Variants in RAD51B observed in about 807,000 individuals in gnomAD.
RAD51B encodes RAD51 paralog B.
A neutral mutation model predicts 42.2 loss-of-function variants in RAD51B; 38 were observed. The observed-to-expected ratio is 0.90, with a 90% CI of 0.70 to 1.18. RAD51B has a LOEUF of 1.18. Among genes scored for constraint, RAD51B ranks in the 50% most tolerant of loss-of-function variants. RAD51B has a pLI of 0.00. For missense variants in RAD51B, 373 were observed against 400.7 expected (o/e 0.93, Z 0.59); for synonymous variants, 154 against 145.2 (o/e 1.06, Z -0.43).
At position 68,577,174 on chromosome 14, in the gene RAD51B, T is replaced by G. The variant is rs1018295034; in HGVS notation, c.1037-17311T>G. ...TTTAGCCTAAAAACAGAGGGCCCAG[T>G]TGTTCTCCATTATTACTGTAACTCA... On this transcript the variant is annotated intron_variant, in intron 10 of 10. Coordinates refer to the RAD51B transcript ENST00000487270. Among the ~76,000 whole-genome samples the G allele has an allele frequency of 6.6e-5, 10 of 152,324 alleles. No individual in the cohort carries two copies. In the East Asian group the frequency reaches 1.5e-3, roughly 23 times the overall value.
chr14:67,913,000 G>A lies in RAD51B; in HGVS notation c.756+25796G>A, dbSNP rs183943362. Among the ~76,000 whole-genome samples the A allele has an allele frequency of 2.2e-3, 338 of 152,128 alleles. 5 individuals are homozygous for A. Among genetic ancestry groups the A allele is most frequent in the East Asian group, 0.011 (55 of 5,178 alleles). On this transcript the variant is annotated intron_variant, in intron 7 of 10. Coordinates refer to ENST00000471583, the MANE Select transcript of RAD51B (RefSeq NM_133510.4). ...ATTACAGGCGTGAGCCACTGCACCCGGCCTTACTTCTCTAGGTTTTTAAGC... is the reference window on the plus strand; with the variant it reads ...ATTACAGGCGTGAGCCACTGCACCCAGCCTTACTTCTCTAGGTTTTTAAGC...
chr14:68,530,938 A>G (rs1887263838), intron 10 of RAD51B, among the ~76,000 whole-genome samples: 1 of 152,168 alleles, frequency 6.6e-6, no homozygotes, highest in South Asian at 2.1e-4. Flanking sequence ...GTTAGTAGAA[A>G]GAGTATTTAC....
chr14:68,349,843 TC>T (rs1197215575), intron 8 of RAD51B, among the ~76,000 whole-genome samples: 1 of 152,150 alleles, frequency 6.6e-6, no homozygotes, highest in Non-Finnish European at 1.5e-5. Flanking sequence ...AGCATCTATA[TC>T]CCAGTCATAC....
At chr14:67,944,623 T>C (rs1026589186) in intron 7 of RAD51B, among the ~76,000 whole-genome samples, 2 of 152,218 alleles carry the variant, frequency 1.3e-5, no homozygotes, top group Non-Finnish European at 2.9e-5. Flanking sequence ...TATTTAATCT[T>C]AGTACTAATT....
chr14:68,470,817 A>T, intron 10 of RAD51B: 1 of 405,652 alleles, frequency 2.5e-6, no homozygotes. Flanking sequence ...ATCCTGCGGG[A>T]TCTCTAACAG....
At chr14:68,555,589 G>A (rs567932448) in intron 10 of RAD51B, among the ~76,000 whole-genome samples, 129 of 152,320 alleles carry the variant, frequency 8.5e-4, no homozygotes, top group Middle Eastern at 3.4e-3. Context: ...ACAGCAGGGC[G>A]GGTGAATCCT....
At chr14:68,517,346 T>C (rs772749265) in intron 10 of RAD51B, among the ~76,000 whole-genome samples, 2 of 152,168 alleles carry the variant, frequency 1.3e-5, no homozygotes, top group Non-Finnish European at 2.9e-5. Flanking sequence ...TACTGTCTAA[T>C]TTAGGACATT....
intron 10 of RAD51B, among the ~76,000 whole-genome samples, chr14:68,590,801 T>A (rs1890705533): frequency 1.3e-5 from 2 of 152,178 alleles, no homozygotes; most frequent in African/African-American, 4.8e-5. Context: ...CAGCTAACCA[T>A]TCACTACTCT....
intron 7 of RAD51B, among the ~76,000 whole-genome samples, chr14:67,990,520 T>G (rs1205672913): frequency 6.6e-6 from 1 of 152,268 alleles, no homozygotes; most frequent in Non-Finnish European, 1.5e-5. Flanking sequence ...CACACAATTA[T>G]TGGTTATGAC....
intron 4 of RAD51B, among the ~76,000 whole-genome samples, chr14:67,857,267 A>G (rs2042026418): frequency 6.6e-6 from 1 of 152,236 alleles, no homozygotes; most frequent in Non-Finnish European, 1.5e-5. Context: ...GATTGTTAAA[A>G]AAAATTAGAA....
chr14:68,280,165 G>C (rs1424821791), intron 7 of RAD51B, among the ~76,000 whole-genome samples: 1 of 152,192 alleles, frequency 6.6e-6, no homozygotes, highest in Admixed American at 6.5e-5. Context: ...TGAAGACTCA[G>C]TGTTTCCAAC....
At chr14:67,839,709 TTTTA>T (rs2041361723) in intron 4 of RAD51B, among the ~76,000 whole-genome samples, 1 of 152,020 alleles carries the variant, frequency 6.6e-6, no homozygotes, top group Admixed American at 6.5e-5. Flanking sequence ...TATTATCTCC[TTTTA>T]TTTAATTTTT....
chr14:68,542,020 T>C (rs1887994987), intron 10 of RAD51B, among the ~76,000 whole-genome samples: 1 of 152,218 alleles, frequency 6.6e-6, no homozygotes, highest in Non-Finnish European at 1.5e-5. Context: ...ATGTATTACT[T>C]TCCTAATATA....
intron 8 of RAD51B, among the ~76,000 whole-genome samples, chr14:68,389,418 A>G (rs61039700): frequency 0.53 from 80,900 of 151,982 alleles, 21,803 homozygotes; most frequent in Admixed American, 0.62. Context: ...CTTTTACTCA[A>G]TGTTATGTTT....
intron 7 of RAD51B, among the ~76,000 whole-genome samples, chr14:67,973,585 G>A (rs978706981): frequency 4.6e-5 from 7 of 152,068 alleles, no homozygotes; most frequent in Non-Finnish European, 8.8e-5. Context: ...AACCACATAG[G>A]ACAAATTGAA....
intron 10 of RAD51B, among the ~76,000 whole-genome samples, chr14:68,522,879 C>T (rs573096273): frequency 6.6e-6 from 1 of 152,158 alleles, no homozygotes; most frequent in Non-Finnish European, 1.5e-5. Flanking sequence ...ATCAAGGCTC[C>T]TCTCCCTGAC....
At chr14:68,047,899 C>T (rs537561747) in intron 7 of RAD51B, among the ~76,000 whole-genome samples, 1 of 151,914 alleles carries the variant, frequency 6.6e-6, no homozygotes, top group African/African-American at 2.4e-5. Context: ...GGAAGAAGAA[C>T]CTGTCTTCTT....
intron 8 of RAD51B, among the ~76,000 whole-genome samples, chr14:68,318,969 T>C (rs1212394002): frequency 6.6e-6 from 1 of 152,150 alleles, no homozygotes; most frequent in Admixed American, 6.5e-5. Flanking sequence ...CAACCAGTAA[T>C]TATTTAGATG....
chr14:68,153,260 G>C lies in RAD51B; in HGVS notation c.757-138624G>C, dbSNP rs142853985. Among the ~76,000 whole-genome samples the C allele has an allele frequency of 4.1e-3, 625 of 152,140 alleles. 1 individual carries two copies. The highest frequency in any genetic ancestry group is 0.017 in the Middle Eastern group (5 of 294). On this transcript the variant is annotated intron_variant, in intron 7 of 10. Coordinates refer to ENST00000471583, the MANE Select transcript of RAD51B (RefSeq NM_133510.4). The stretch of plus-strand genomic sequence containing the variant: ...AAATCCCACACTCGATTTTGTTTTA[G>C]TCAATTATCTGTAAAATATATTTTG...
Sources: allele counts gnomAD v4.1 joint callset (sites outside exome capture counted in the v4.1 genomes callset), GRCh38; gene constraint gnomAD v4.1.1; transcripts MANE v1.5; gene names NCBI Gene and HGNC (gene_info 2026-07-23, HGNC 2026-07-21).